The following RPS6KA2 variants were observed in gnomAD, a reference collection of about 807,000 sequenced individuals.
The protein encoded by RPS6KA2 is ribosomal protein S6 kinase alpha-2.
RPS6KA2 carries 42 observed loss-of-function variants against 91.8 expected under a neutral mutation model. That is an observed-to-expected ratio of 0.46 (90% CI 0.36 to 0.59). The LOEUF is 0.59. Among genes scored for constraint, RPS6KA2 ranks in the 20% least tolerant of loss-of-function variants. RPS6KA2 has a pLI of 0.00. For missense variants in RPS6KA2, 798 were observed against 978.5 expected (o/e 0.82, Z 2.46); for synonymous variants, 414 against 393.6 (o/e 1.05, Z -0.61).
Position 166,855,468 on chromosome 6 carries a change from GGAAGAGGAA to G in RPS6KA2, c.123+2723_123+2731del, listed in dbSNP as rs1160668761. Among the ~76,000 whole-genome samples, 491 of 120,132 alleles carry G rather than the reference GGAAGAGGAA, an allele frequency of 4.1e-3. 5 individuals are homozygous for G. The highest frequency in any genetic ancestry group is 0.016 in the East Asian group (38 of 2,426). 78.8% of individuals were successfully genotyped at this position (120,132 alleles called of 152,430 possible). A position where few individuals can be genotyped will look rare whatever the true frequency, so the allele number is the denominator to read the frequency against. Reference sequence around the variant, plus strand: ...AAGAAGAGGAAGAAGAAGAGGAAGAGGAAGAGGAAGAAGAAGAAGAGGAAGAAGAAGAGG... The same window carrying G: ...AAGAAGAGGAAGAAGAAGAGGAAGAGGAAGAAGAAGAGGAAGAAGAAGAGG... On this transcript the variant is annotated intron_variant, in intron 2 of 21. Coordinates refer to the RPS6KA2 transcript ENST00000503859.
chr6:166,484,658 T>C (rs963730007), intron 10 of RPS6KA2, among the ~76,000 whole-genome samples: 1 of 152,160 alleles, frequency 6.6e-6, no homozygotes, highest in African/African-American at 2.4e-5. Context: ...GGCAGTGCAC[T>C]GAGGATGGGA....
intron 1 of RPS6KA2, among the ~76,000 whole-genome samples, chr6:166,622,290 T>A (rs755636711): frequency 6.6e-6 from 1 of 152,170 alleles, no homozygotes; most frequent in African/African-American, 2.4e-5. Context: ...ATTCCAAGCA[T>A]AAGGCATATC....
rs1192860507 is a variant in RPS6KA2, at chr6:166,770,966, C to T, written c.123+87234G>A. On this transcript the variant is annotated intron_variant, in intron 2 of 21. Transcript: ENST00000503859. This position sits in a 1 kb window ranked among gnomAD's most constrained non-coding sequence, Gnocchi z 5.1. ...TCCTTTAAGTCACAGGACGTATTTACAGTCAGCAACTTCATTAGCAAGGGC... is the reference window on the plus strand; with the variant it reads ...TCCTTTAAGTCACAGGACGTATTTATAGTCAGCAACTTCATTAGCAAGGGC... 2 of 1,524,928 alleles carry T rather than the reference C, an allele frequency of 1.3e-6. No individual in the cohort carries two copies. The highest frequency in any genetic ancestry group is 2.8e-5 in the African/African-American group (2 of 72,662). The allele number at this position is 1,524,928 out of a possible 1,614,324, so 94.5% of individuals were successfully genotyped here.
intron 11 of RPS6KA2, chr6:166,463,180 C>T (rs1780387891): frequency 6.6e-6 from 1 of 152,238 alleles, no homozygotes; most frequent in Admixed American, 6.5e-5. Flanking sequence ...TGTGTTATTA[C>T]TGTGTATGCT....
intron 2 of RPS6KA2, among the ~76,000 whole-genome samples, chr6:166,846,673 A>G (rs1478404754): frequency 6.6e-6 from 1 of 152,254 alleles, no homozygotes; most frequent in African/African-American, 2.4e-5. Context: ...TTTATTATTA[A>G]AACCCTCAGG....
In RPS6KA2 at chr6:166,471,620, G is replaced by A. The variant is rs556149589; in HGVS notation, c.908-1715C>T. 1.4e-4 allele frequency among the ~76,000 whole-genome samples: 22 copies of A among 152,384 alleles called. 2 individuals carry two copies. In the South Asian group the frequency reaches 4.1e-3, roughly 29 times the overall value. Reference sequence around the variant, plus strand: ...CCTTCCATGAGGACGCAGAATCATAGGACAGACATAGCACACGGACATCTC... The same window carrying A: ...CCTTCCATGAGGACGCAGAATCATAAGACAGACATAGCACACGGACATCTC... On this transcript the variant is annotated intron_variant, in intron 10 of 20. Transcript: ENST00000265678.
rs898481873 is a variant in RPS6KA2 at position 166,495,589 on chromosome 6, T to C, written c.747+2919A>G. 1.4e-4 allele frequency among the ~76,000 whole-genome samples: 21 copies of C among 152,140 alleles called. No homozygotes were observed. The highest frequency in any genetic ancestry group is 4.3e-4 in the African/African-American group (18 of 41,428). On this transcript the variant is annotated intron_variant, in intron 8 of 20. Coordinates refer to ENST00000265678, the MANE Select transcript of RPS6KA2 (RefSeq NM_021135.6). The surrounding 1 kb of genome is among the most constrained non-coding windows in gnomAD (Gnocchi z 4.4). Reference sequence around the variant, plus strand: ...GGTCTGGGTGTGAGTGCCTCTCTGCTTCCACCCTGTTGTCTTCACTCCCTC... The same window carrying C: ...GGTCTGGGTGTGAGTGCCTCTCTGCCTCCACCCTGTTGTCTTCACTCCCTC...
intron 6 of RPS6KA2, among the ~76,000 whole-genome samples, chr6:166,503,613 G>A (rs1226968555): frequency 6.6e-6 from 1 of 152,180 alleles, no homozygotes; most frequent in Non-Finnish European, 1.5e-5. Context: ...TGGGTGGGTG[G>A]CATTAATCGG....
intron 4 of RPS6KA2, chr6:166,509,435 T>C (rs147248404): frequency 5.9e-6 from 1 of 169,980 alleles, no homozygotes; most frequent in Non-Finnish European, 1.5e-5. Context: ...GGTAGAGGTT[T>C]GCAACTGCGC....
chr6:166,831,898 T>C (rs76679606), intron 2 of RPS6KA2, among the ~76,000 whole-genome samples: 1,641 of 102,940 alleles, frequency 0.016, 29 homozygotes, highest in African/African-American at 0.046. Flanking sequence ...GATGGATAGA[T>C]AGATGATGGA....
At position 166,469,861 on chromosome 6, in the gene RPS6KA2, A is replaced by G; in HGVS notation, c.952T>C (p.Phe318Leu). Residue 318 changes from phenylalanine to leucine, a missense_variant, in exon 11 of 21, where the codon TTT (phenylalanine) becomes CTT (leucine). Phe to Leu is a conservative substitution (Grantham distance 22). Coordinates refer to ENST00000265678, the MANE Select transcript of RPS6KA2 (RefSeq NM_021135.6). The stretch of plus-strand genomic sequence containing the variant: ...CTTACGTTCCAGTCTATGGTCACAA[A>G]GAAGGGATGGCGCTTAATTTCCTCC... ...GVEEIKRHPF[F>L]VTIDWNTLYR... The G allele has an allele frequency of 6.2e-7, 1 of 1,614,218 alleles. No homozygotes were observed. The highest frequency in any genetic ancestry group is 8.5e-7 in the Non-Finnish European group (1 of 1,180,016).
chr6:166,498,698 CG>C, intron 7 of RPS6KA2, 48 bp from the exon 8 acceptor site: 2 of 1,603,936 alleles, frequency 1.2e-6, no homozygotes, highest in Non-Finnish European at 1.7e-6. Context: ...TGGGTGTGTT[CG>C]GGGGTCCACA....
chr6:166,606,618 T>C (rs1785964871), intron 1 of RPS6KA2, among the ~76,000 whole-genome samples: 1 of 152,220 alleles, frequency 6.6e-6, no homozygotes, highest in Admixed American at 6.5e-5. Flanking sequence ...ATCTAGAATA[T>C]ATACATAATT....
intron 2 of RPS6KA2, among the ~76,000 whole-genome samples, chr6:166,729,182 C>T (rs12205144): frequency 4.7e-4 from 71 of 152,348 alleles, no homozygotes; most frequent in Non-Finnish European, 9.1e-4. Flanking sequence ...GGCCAGACAA[C>T]CCCTTCCAGC....
chr6:166,491,746 C>T (rs528229203), intron 8 of RPS6KA2, among the ~76,000 whole-genome samples: 38 of 152,190 alleles, frequency 2.5e-4, no homozygotes, highest in African/African-American at 9.1e-4. Flanking sequence ...AGTAGAAAGA[C>T]CAAAAAAATC....
intron 1 of RPS6KA2, among the ~76,000 whole-genome samples, chr6:166,544,039 G>T (rs537885845): frequency 3.0e-4 from 46 of 152,368 alleles, no homozygotes; most frequent in South Asian, 1.0e-3. Context: ...AATTCACCAG[G>T]TTGTCACCTG....
intron 11 of RPS6KA2, among the ~76,000 whole-genome samples, chr6:166,461,250 C>A (rs1356023847): frequency 3.3e-5 from 5 of 152,170 alleles, no homozygotes; most frequent in Non-Finnish European, 7.3e-5. Context: ...ACTCTTCAAG[C>A]CATTTTCAGA....
intron 2 of RPS6KA2, among the ~76,000 whole-genome samples, chr6:166,683,179 A>G (rs927817942): frequency 3.9e-5 from 6 of 152,254 alleles, no homozygotes; most frequent in Admixed American, 1.3e-4. Flanking sequence ...GCCCTTAACC[A>G]TGGAAACACA....
chr6:166,731,823 CTG>C (rs1156675866), intron 2 of RPS6KA2, among the ~76,000 whole-genome samples: 5 of 152,198 alleles, frequency 3.3e-5, no homozygotes, highest in East Asian at 3.9e-4. Context: ...GGTGGAAACC[CTG>C]TGTGGGGCGG....
Sources: gnomAD v4.1 joint callset for allele counts (sites outside exome capture counted in the v4.1 genomes callset) on GRCh38, gnomAD v4.1.1 for gene constraint, Gnocchi (gnomAD v3.1) non-coding constraint, MANE v1.5 for transcripts, NCBI Gene and HGNC (gene_info 2026-07-23, HGNC 2026-07-21) for gene names.